The following EVC2 variants were observed in gnomAD, a reference collection of about 807,000 sequenced individuals.
EVC2 encodes the protein EvC ciliary complex subunit 2.
EVC2 carries 148 observed loss-of-function variants against 149.3 expected under a neutral mutation model. The ratio of observed to expected loss-of-function variants is 0.99; its 90% CI spans 0.87 to 1.14. EVC2 has a LOEUF of 1.14. EVC2 is among the 50% of genes most tolerant of loss of function. The pLI is 0.00. For missense variants in EVC2, 1,854 were observed against 1,627.3 expected, an observed-to-expected ratio of 1.14 and a Z score of -2.40; for synonymous variants, 776 against 649.9, an observed-to-expected ratio of 1.19 and a Z score of -2.95.
chr4:5,544,721 AG>A (rs1390523278), intron 21 of EVC2, among the ~76,000 whole-genome samples: 1 of 152,170 alleles, frequency 6.6e-6, no homozygotes, highest in Non-Finnish European at 1.5e-5. Context: ...CAGAGAAGAG[AG>A]GGGGTGAGGA....
intron 7 of EVC2, 40 bp from the exon 8 acceptor site, chr4:5,665,689 G>C: frequency 6.2e-7 from 1 of 1,610,184 alleles, no homozygotes; most frequent in Non-Finnish European, 8.5e-7. Flanking sequence ...TGTGTGGTCA[G>C]ACAGCATGTC....
intron 19 of EVC2, 108 bp downstream of exon 19, chr4:5,574,577 G>C: frequency 8.9e-7 from 1 of 1,121,656 alleles, no homozygotes; most frequent in Non-Finnish European, 1.4e-6. Context: ...AGGTTCCAAG[G>C]CTGGCTTTTC....
At chr4:5,695,027 C>A (rs1177553702) in intron 2 of EVC2, among the ~76,000 whole-genome samples, 1 of 152,140 alleles carries the variant, frequency 6.6e-6, no homozygotes, top group Non-Finnish European at 1.5e-5. Context: ...CACGGCCAGA[C>A]ACAAACGCCT....
chr4:5,646,071 A>G (rs1717689848), intron 9 of EVC2, among the ~76,000 whole-genome samples: 1 of 152,128 alleles, frequency 6.6e-6, no homozygotes, highest in African/African-American at 2.4e-5. Flanking sequence ...ACCTGGGATT[A>G]CAGGCGTGTG....
At chr4:5,642,247 T>C (rs113558210) in intron 9 of EVC2, among the ~76,000 whole-genome samples, 1 of 152,210 alleles carries the variant, frequency 6.6e-6, no homozygotes, top group African/African-American at 2.4e-5. Context: ...GTCTTTATAG[T>C]AGAAGGTCAT....
chr4:5,663,153 T>C lies in EVC2; in HGVS notation c.1099A>G (p.Ile367Val). The part of the protein sequence containing the change: ...DLSLNDQMID[I>V]LSSEDPGSML... Reference sequence around the variant, plus strand: ...CTCCCAGGGTCCTCGGAAGACAGAATGTCTATCATTTGGTCGTTAAGGGAA... The same window carrying C: ...CTCCCAGGGTCCTCGGAAGACAGAACGTCTATCATTTGGTCGTTAAGGGAA... Residue 367 changes from isoleucine (I) to valine (V), a missense_variant, in exon 9 of 22, where the codon ATT becomes GTT. Physicochemically the swap from Ile to Val is conservative, Grantham distance 29. Transcript: ENST00000344408. The C allele has an allele frequency of 6.2e-7, 1 of 1,614,224 alleles. No homozygotes were observed. The highest frequency in any genetic ancestry group is 8.5e-7 in the Non-Finnish European group (1 of 1,180,036).
chr4:5,584,888 A>G, intron 16 of EVC2, 38 bp from the exon 17 acceptor site: 1 of 1,606,684 alleles, frequency 6.2e-7, no homozygotes, highest in Non-Finnish European at 8.5e-7. Flanking sequence ...CCCAGAGAGC[A>G]GTGAGTAGAG....
chr4:5,665,709 T>C (rs1355289640), intron 7 of EVC2, 60 bp from the exon 8 acceptor site: 2 of 1,596,596 alleles, frequency 1.3e-6, no homozygotes, highest in African/African-American at 2.7e-5. Flanking sequence ...CTCCCAGGCC[T>C]CACAGATGAT....
chr4:5,583,489 T>G lies in EVC2; in HGVS notation c.3057+1134A>C, dbSNP rs575200491. On this transcript the variant is annotated intron_variant, in intron 17 of 21. Coordinates refer to ENST00000344408, the MANE Select transcript of EVC2 (RefSeq NM_147127.5). ...AACTACTGGAGTTGGGTGTCTTTTG[T>G]GTGGTTTGGAAGATTTTAAAGTACT... is the stretch of plus-strand genomic sequence containing the variant. Among the ~76,000 whole-genome samples the G allele has an allele frequency of 2.0e-5, 3 of 152,316 alleles. 1 individual carries two copies. Among genetic ancestry groups the G allele is most frequent in the African/African-American group, 7.2e-5 (3 of 41,572 alleles).
chr4:5,648,840 G>A (rs988679001), intron 9 of EVC2, among the ~76,000 whole-genome samples: 2 of 152,154 alleles, frequency 1.3e-5, no homozygotes, highest in Non-Finnish European at 2.9e-5. Context: ...ACAAAGACAA[G>A]AAAATGTCCC....
In EVC2 at chr4:5,671,307, G is replaced by A. The variant is rs1259535915; in HGVS notation, c.871-5658C>T. 2.0e-5 allele frequency among the ~76,000 whole-genome samples: 3 copies of A among 152,062 alleles called. No homozygotes were observed. The East Asian group carries it at 5.8e-4, about 29-fold the overall frequency. ...GGCCCTTTATCAGGAGCCCTGCATC[G>A]AGCCATCAAGGGTTTGTGCCCCTGT... On this transcript the variant is annotated intron_variant, in intron 7 of 21. Transcript: ENST00000344408.
intron 6 of EVC2, among the ~76,000 whole-genome samples, chr4:5,682,560 T>C (rs1720422666): frequency 6.6e-6 from 1 of 150,690 alleles, no homozygotes; most frequent in African/African-American, 2.4e-5. Context: ...AGTAGTATCA[T>C]TATATAGAAC....
chr4:5,597,130 C>T (rs1269997967), intron 16 of EVC2, among the ~76,000 whole-genome samples: 3 of 152,176 alleles, frequency 2.0e-5, no homozygotes, highest in Admixed American at 6.5e-5. Flanking sequence ...CGAATTCTAC[C>T]AGAGGTAGAA....
chr4:5,553,311 C>T (rs543639158), intron 21 of EVC2, among the ~76,000 whole-genome samples: 48 of 152,104 alleles, frequency 3.2e-4, no homozygotes, highest in Non-Finnish European at 4.9e-4. Flanking sequence ...GAGGACAGTA[C>T]CAAAGGGGAT....
chr4:5,620,985 A>G (rs1394861202), intron 14 of EVC2, among the ~76,000 whole-genome samples: 1 of 152,238 alleles, frequency 6.6e-6, no homozygotes, highest in African/African-American at 2.4e-5. Flanking sequence ...GACTAAGAGA[A>G]GACAGAATCT....
At chr4:5,610,801 T>TTC (rs1436333731) in intron 16 of EVC2, among the ~76,000 whole-genome samples, 1 of 150,576 alleles carries the variant, frequency 6.6e-6, no homozygotes, top group Admixed American at 6.6e-5. Flanking sequence ...TTTCTTTTTT[T>TTC]TTTTTTTTTT....
intron 21 of EVC2, among the ~76,000 whole-genome samples, chr4:5,549,286 C>T (rs1721688951): frequency 6.6e-6 from 1 of 152,178 alleles, no homozygotes; most frequent in Non-Finnish European, 1.5e-5. Flanking sequence ...TTCTATTTTA[C>T]TCCCTGCAAT....
chr4:5,632,162 A>AT, intron 10 of EVC2, 130 bp from the exon 11 acceptor site: 1 of 1,235,398 alleles, frequency 8.1e-7, no homozygotes, highest in South Asian at 1.5e-5. Context: ...GCATGCACAT[A>AT]TGCATTACAA....
chr4:5,645,606 G>A (rs568610086), intron 9 of EVC2, among the ~76,000 whole-genome samples: 5 of 152,148 alleles, frequency 3.3e-5, no homozygotes, highest in Admixed American at 6.5e-5. Flanking sequence ...CTTTTTTAAC[G>A]GCTGCATAGT....
Sources: allele counts gnomAD v4.1 joint callset (sites outside exome capture counted in the v4.1 genomes callset), GRCh38; gene constraint gnomAD v4.1.1; transcripts MANE v1.5; gene names NCBI Gene and HGNC (gene_info 2026-07-23, HGNC 2026-07-21).